FAM209A: variants seen among roughly 807,000 people sequenced by gnomAD.
The protein encoded by FAM209A is protein FAM209A.
A neutral mutation model predicts 9.8 loss-of-function variants in FAM209A; 4 were observed. That is an observed-to-expected ratio of 0.41 (90% CI 0.20 to 0.94). The LOEUF (loss-of-function observed/expected upper bound fraction) is 0.94. Ranked by LOEUF, FAM209A falls within the 40% of genes least tolerant of loss-of-function variation. FAM209A has a pLI of 0.32. For synonymous variants in FAM209A, 55 were observed against 77.8 expected (o/e 0.71, Z 1.54); for missense variants, 205 against 209.4 (o/e 0.98, Z 0.13).
At chr20:56,527,194 A>G (rs891397259), downstream of FAM209A, among the ~76,000 whole-genome samples, 3 of 150,854 alleles carry the variant, frequency 2.0e-5, no homozygotes, top group Non-Finnish European at 4.4e-5. Context: ...GGGTTTCTGT[A>G]TGGACTTACA....
In FAM209A at chr20:56,525,788, G is replaced by T. The variant is rs558791481; in HGVS notation, c.250-16G>T. ...AAGTTCACAATATTACTGACCTTGA[G>T]TATCTTTCCTGACAGGAGCAGAGTC... On this transcript the variant is annotated splice_polypyrimidine_tract_variant and intron_variant, in intron 1 of 1. Transcript: ENST00000371328. 51 of 1,609,878 alleles carry T rather than the reference G, an allele frequency of 3.2e-5. No individual in the cohort carries two copies. The South Asian group carries it at 5.5e-4, about 17-fold the overall frequency.
At chr20:56,531,657 A>T in the FAM209A span, among the ~76,000 whole-genome samples, 613 of 143,446 alleles carry the variant, frequency 4.3e-3, 3 homozygotes, top group African/African-American at 0.015. Context: ...ACACAGTCTC[A>T]CTCTGTCACC....
chr20:56,528,348 T>C (rs1318871369), downstream of FAM209A, among the ~76,000 whole-genome samples: 1 of 142,800 alleles, frequency 7.0e-6, no homozygotes, highest in African/African-American at 2.7e-5. Flanking sequence ...ATCTTAGCAC[T>C]ATGGGAAATT....
At chr20:56,530,693 G>A (rs1464863670), downstream of FAM209A, among the ~76,000 whole-genome samples, 4 of 148,598 alleles carry the variant, frequency 2.7e-5, no homozygotes, top group Non-Finnish European at 4.4e-5. Context: ...ATTTTTAGTG[G>A]CGACAGTGTT....
downstream of FAM209A, among the ~76,000 whole-genome samples, chr20:56,528,518 C>G (rs1985635003): frequency 6.6e-6 from 1 of 150,530 alleles, no homozygotes; most frequent in Non-Finnish European, 1.5e-5. Context: ...GGAGGATCCC[C>G]TGAGCCCAGG....
chr20:56,527,760 G>A (rs533677204), downstream of FAM209A, among the ~76,000 whole-genome samples: 16 of 152,346 alleles, frequency 1.1e-4, no homozygotes, highest in Admixed American at 6.5e-4. Context: ...AGGCATAGGC[G>A]TCCCTCAAGG....
At chr20:56,525,302 A>C (rs1224219971) in intron 1 of FAM209A, among the ~76,000 whole-genome samples, 2 of 152,234 alleles carry the variant, frequency 1.3e-5, no homozygotes, top group Non-Finnish European at 2.9e-5. Context: ...TTTTCTGGTT[A>C]GATGGATTTT....
At chr20:56,528,632 A>G (rs934089566), downstream of FAM209A, among the ~76,000 whole-genome samples, 3 of 151,810 alleles carry the variant, frequency 2.0e-5, no homozygotes, top group Non-Finnish European at 4.4e-5. Context: ...TTTAGTCCTT[A>G]GGAGTAGTCC....
At chr20:56,532,574 C>G in the FAM209A span, among the ~76,000 whole-genome samples, 124 of 148,094 alleles carry the variant, frequency 8.4e-4, no homozygotes, top group Admixed American at 3.0e-3. Flanking sequence ...ACCTCTGCCT[C>G]CTGGGTTCAA....
At chr20:56,530,819 G>C (rs184101721), downstream of FAM209A, among the ~76,000 whole-genome samples, 71 of 151,994 alleles carry the variant, frequency 4.7e-4, no homozygotes, top group African/African-American at 1.7e-3. Flanking sequence ...ATAGCTTGTA[G>C]AACTTCTTTG....
chr20:56,531,969 C>CTTTTCTT, the FAM209A span, among the ~76,000 whole-genome samples: 4 of 135,486 alleles, frequency 3.0e-5, no homozygotes, highest in African/African-American at 1.1e-4. Context: ...CTTTTCTTTT[C>CTTTTCTT]TTTTCTTTTT....
At position 56,524,751 on chromosome 20, in the gene FAM209A, C is replaced by T. The variant is rs1461543693; in HGVS notation, c.-58C>T. 1.2e-6 allele frequency: 2 copies of T among 1,600,590 alleles called. No individual in the cohort carries two copies. Among genetic ancestry groups the T allele is most frequent in the African/African-American group, 1.3e-5 (1 of 74,722 alleles). On this transcript the variant is annotated 5_prime_UTR_variant, in exon 1 of 2. Transcript: ENST00000371328. ...GCCTGGCACCAGGTGCCCAGTCTCC[C>T]AGTTGCGAGGGCAAGCAAACCCGTC... is the stretch of plus-strand genomic sequence containing the variant.
At chr20:56,528,480 A>T (rs1985632280), downstream of FAM209A, among the ~76,000 whole-genome samples, 1 of 149,488 alleles carries the variant, frequency 6.7e-6, no homozygotes, top group South Asian at 2.1e-4. Context: ...ATGCACCTGT[A>T]GTCCCAGCTA....
the FAM209A span, among the ~76,000 whole-genome samples, chr20:56,532,522 T>G: frequency 6.9e-6 from 1 of 144,872 alleles, no homozygotes; most frequent in African/African-American, 2.6e-5. Flanking sequence ...TCTTGCTCTG[T>G]TGCCAGGCTG....
chr20:56,532,426 T>C, the FAM209A span, among the ~76,000 whole-genome samples: 2,138 of 151,736 alleles, frequency 0.014, 61 homozygotes, highest in African/African-American at 0.05. Context: ...TATGACAGTG[T>C]GGGCCCAGTG....
chr20:56,528,792 G>A (rs1194706710), downstream of FAM209A, among the ~76,000 whole-genome samples: 1 of 152,202 alleles, frequency 6.6e-6, no homozygotes, highest in East Asian at 1.9e-4. Context: ...AGACCAAGAG[G>A]AATCTGGACA....
chr20:56,532,480 CT>C, the FAM209A span, among the ~76,000 whole-genome samples: 471 of 108,220 alleles, frequency 4.4e-3, no homozygotes, highest in East Asian at 0.016. Context: ...TTTTCTTTTT[CT>C]TTTTTTTTTT....
the FAM209A span, among the ~76,000 whole-genome samples, chr20:56,532,069 G>A: frequency 6.8e-6 from 1 of 148,020 alleles, no homozygotes; most frequent in Non-Finnish European, 1.5e-5. Context: ...CTACTTCCTG[G>A]GTTCAAGTGA....
Position 56,525,791 on chromosome 20 carries a change from T to C in FAM209A, c.250-13T>C. 1 of 1,610,056 alleles carries C rather than the reference T, an allele frequency of 6.2e-7. No individual in the cohort carries two copies. ...TTCACAATATTACTGACCTTGAGTA[T>C]CTTTCCTGACAGGAGCAGAGTCCTC... is the stretch of plus-strand genomic sequence containing the variant. On this transcript the variant is annotated splice_polypyrimidine_tract_variant and intron_variant, in intron 1 of 1. Transcript: ENST00000371328.
Sources: allele counts gnomAD v4.1 joint callset (sites outside exome capture counted in the v4.1 genomes callset), GRCh38; gene constraint gnomAD v4.1.1; transcripts MANE v1.5; gene names NCBI Gene and HGNC (gene_info 2026-07-23, HGNC 2026-07-21).